ANK3: variants seen among roughly 807,000 people sequenced by gnomAD.
ANK3 encodes ankyrin-3.
A neutral mutation model predicts 370.9 loss-of-function variants in ANK3; 57 were observed. The ratio of observed to expected loss-of-function variants is 0.15; its 90% confidence interval spans 0.12 to 0.19. ANK3 has a LOEUF of 0.19. Ranked by LOEUF, ANK3 falls within the 10% of genes least tolerant of loss-of-function variation. ANK3 has a pLI of 1.00. For missense variants in ANK3, 4,439 were observed against 5,302.1 expected (o/e 0.84, Z 5.06); for synonymous variants, 1,929 against 1,946.3 (o/e 0.99, Z 0.23).
At chr10:60,083,662 T>TAAAATCTC in intron 32 of ANK3, 45 bp from the exon 33 acceptor site, 2 of 1,493,590 alleles carry the variant, frequency 1.3e-6, no homozygotes, top group Non-Finnish European at 1.8e-6. Context: ...AATCTGAGTT[T>TAAAATCTC]AAAATATTTT....
At chr10:60,483,141 G>T (rs1457427789) in intron 2 of ANK3, among the ~76,000 whole-genome samples, 29 of 152,140 alleles carry the variant, frequency 1.9e-4, no homozygotes, top group Admixed American at 1.9e-3. Flanking sequence ...TATGTATCTT[G>T]TTAGTCCCAA....
At chr10:60,296,435 A>G (rs2042530823) in intron 1 of ANK3, among the ~76,000 whole-genome samples, 1 of 152,212 alleles carries the variant, frequency 6.6e-6, no homozygotes, top group Non-Finnish European at 1.5e-5. Flanking sequence ...CTACATGGAA[A>G]ATGACAGCCT....
At chr10:60,043,020 C>T (rs1018141330) in intron 42 of ANK3, 30 of 1,238,830 alleles carry the variant, frequency 2.4e-5, no homozygotes, top group African/African-American at 4.7e-5. Flanking sequence ...ATCAAAATAA[C>T]GAGCAGCCTA....
At chr10:60,446,622 T>C (rs1486346518) in intron 2 of ANK3, among the ~76,000 whole-genome samples, 1 of 152,214 alleles carries the variant, frequency 6.6e-6, no homozygotes, top group African/African-American at 2.4e-5. Context: ...AGCTTTTCCA[T>C]ACAGCCAAGG....
intron 1 of ANK3, among the ~76,000 whole-genome samples, chr10:60,359,541 T>C (rs1433757857): frequency 1.3e-5 from 2 of 152,252 alleles, no homozygotes; most frequent in Non-Finnish European, 2.9e-5. Flanking sequence ...GTCACATGTA[T>C]TCTTAAGTTC....
At chr10:60,644,889 T>TAAAA (rs1564476676) in intron 1 of ANK3, among the ~76,000 whole-genome samples, 3 of 55,136 alleles carry the variant, frequency 5.4e-5, no homozygotes, top group Non-Finnish European at 1.2e-4. Flanking sequence ...TAGTTTTAGT[T>TAAAA]TAAAAAAAAA....
chr10:60,530,493 A>G (rs1412200160), intron 2 of ANK3, among the ~76,000 whole-genome samples: 1 of 150,612 alleles, frequency 6.6e-6, no homozygotes, highest in Non-Finnish European at 1.5e-5. Flanking sequence ...CAAATTTTAT[A>G]GATAAGAAAA....
Position 60,261,866 on chromosome 10 carries a change from G to A in ANK3, c.791C>T (p.Thr264Ile). ...ACATTGCTGTGCTCTTACCCTTGCG[G>A]TGAAATCCACAGCAGCCGCTCGGTT... ...LLNRAAAVDF[T>I]ARNDITPLHV... Residue 264 changes from threonine (T) to isoleucine (I), a missense_variant, in exon 7 of 44, where the codon ACC becomes ATC. Thr to Ile is a moderately conservative substitution (Grantham distance 89). Coordinates refer to ENST00000280772, the MANE Select transcript of ANK3 (RefSeq NM_020987.5). 6.2e-7 allele frequency: 1 copy of A among 1,613,978 alleles called. No homozygotes were observed. The highest frequency in any genetic ancestry group is 1.3e-5 in the African/African-American group (1 of 75,056).
intron 1 of ANK3, among the ~76,000 whole-genome samples, chr10:60,343,202 T>C (rs1271542522): frequency 6.6e-6 from 1 of 152,168 alleles, no homozygotes; most frequent in Non-Finnish European, 1.5e-5. Flanking sequence ...GCAATGTATA[T>C]ATACATTATT....
At chr10:60,336,359 C>T (rs1052251362) in intron 1 of ANK3, among the ~76,000 whole-genome samples, 2 of 152,240 alleles carry the variant, frequency 1.3e-5, no homozygotes, top group East Asian at 3.9e-4. Flanking sequence ...TTTCTCATAA[C>T]GTACCCCTCA....
chr10:60,064,485 T>C (rs1478483149), intron 38 of ANK3, among the ~76,000 whole-genome samples, 197 bp from the exon 39 acceptor site: 1 of 152,302 alleles, frequency 6.6e-6, no homozygotes, highest in Admixed American at 6.5e-5. Flanking sequence ...TAACTCTCCT[T>C]AGGTAATGAC....
At chr10:60,130,258 G>A (rs377140082) in intron 25 of ANK3, among the ~76,000 whole-genome samples, 4 of 152,286 alleles carry the variant, frequency 2.6e-5, no homozygotes, top group African/African-American at 9.6e-5. Flanking sequence ...AGCCAGCACA[G>A]GTCCCTAGAG....
intron 2 of ANK3, among the ~76,000 whole-genome samples, chr10:60,457,705 C>A (rs187319043): frequency 1.3e-5 from 2 of 152,110 alleles, no homozygotes; most frequent in African/African-American, 2.4e-5. Flanking sequence ...AGAGTTAGGG[C>A]CTCCTGATTT....
intron 16 of ANK3, among the ~76,000 whole-genome samples, chr10:60,189,693 A>C (rs2096434126): frequency 1.3e-5 from 2 of 152,238 alleles, no homozygotes; most frequent in Admixed American, 6.5e-5. Flanking sequence ...TGCATCTATC[A>C]AAAGAAAAAT....
intron 2 of ANK3, among the ~76,000 whole-genome samples, chr10:60,514,079 T>C (rs529641076): frequency 1.6e-4 from 25 of 152,282 alleles, no homozygotes; most frequent in African/African-American, 5.3e-4. Context: ...AATGTTTCCC[T>C]CCTTATAATT....
chr10:60,499,809 T>C (rs1360794647), intron 2 of ANK3, among the ~76,000 whole-genome samples: 2 of 152,026 alleles, frequency 1.3e-5, no homozygotes, highest in Non-Finnish European at 2.9e-5. Context: ...CATAAGAGAG[T>C]GTTGTATAAT....
At chr10:60,251,328 C>T (rs756572700) in intron 7 of ANK3, among the ~76,000 whole-genome samples, 21 of 152,112 alleles carry the variant, frequency 1.4e-4, no homozygotes, top group African/African-American at 4.1e-4. Flanking sequence ...CTCAGACCAA[C>T]CATGGATTTC....
intron 1 of ANK3, among the ~76,000 whole-genome samples, chr10:60,299,113 G>A (rs1465239479): frequency 6.6e-6 from 1 of 151,946 alleles, no homozygotes; most frequent in African/African-American, 2.4e-5. Context: ...GCTTTATTAC[G>A]AATCTCAAAG....
At chr10:60,474,586 G>A (rs1421891248) in intron 2 of ANK3, among the ~76,000 whole-genome samples, 1 of 152,206 alleles carries the variant, frequency 6.6e-6, no homozygotes, top group Non-Finnish European at 1.5e-5. Flanking sequence ...TAAGATCTGT[G>A]ATTTCATACT....
Sources: allele counts gnomAD v4.1 joint callset (sites outside exome capture counted in the v4.1 genomes callset), GRCh38; gene constraint gnomAD v4.1.1; transcripts MANE v1.5; gene names NCBI Gene and HGNC (gene_info 2026-07-23, HGNC 2026-07-21).